CCDC30: variants seen among roughly 807,000 people sequenced by gnomAD.
CCDC30 encodes coiled-coil domain-containing protein 30.
Under a neutral mutation model 100.2 loss-of-function variants are expected in CCDC30, and 70 were observed. That is an observed-to-expected ratio of 0.70 (90% confidence interval 0.58 to 0.85). CCDC30 has a LOEUF of 0.85. Among genes scored for constraint, CCDC30 ranks in the 40% least tolerant of loss-of-function variants. CCDC30 has a pLI of 0.00. For synonymous variants in CCDC30, 233 were observed against 269.5 expected, an observed-to-expected ratio of 0.86 and a Z score of 1.33; for missense variants, 652 against 771.2, an observed-to-expected ratio of 0.85 and a Z score of 1.83.
rs1644307554 is a variant in CCDC30, at chr1:42,501,254, T to C, written c.456+2338T>C. On this transcript the variant is annotated intron_variant, in intron 6 of 16. Coordinates refer to ENST00000668663, the Ensembl canonical transcript of CCDC30. ...TCATTCATTTTTAGTGTATATCCAG[T>C]TATTCCAGAAAGATTTGGTAAAAAG... 1.3e-5 allele frequency among the ~76,000 whole-genome samples: 2 copies of C among 152,218 alleles called. 1 individual carries two copies. Among genetic ancestry groups the C allele is most frequent in the South Asian group, 4.1e-4 (2 of 4,838 alleles).
At chr1:42,481,699 C>T (rs1180081085) in intron 2 of CCDC30, among the ~76,000 whole-genome samples, 1 of 150,996 alleles carries the variant, frequency 6.6e-6, no homozygotes, top group African/African-American at 2.4e-5. Context: ...TAAATATATT[C>T]AGTTCTGCTC....
chr1:42,653,211 G>T (rs11210691), intron 15 of CCDC30, among the ~76,000 whole-genome samples, 165 bp from the exon 20 acceptor site: 60,950 of 151,658 alleles, frequency 0.4, 12,559 homozygotes, highest in South Asian at 0.57. Flanking sequence ...TATATATATA[G>T]AGAGAGAGAG....
chr1:42,609,961 G>GAT, intron 10 of CCDC30, among the ~76,000 whole-genome samples: 1 of 152,140 alleles, frequency 6.6e-6, no homozygotes, highest in East Asian at 1.9e-4. Flanking sequence ...TTGGTTTTTG[G>GAT]ATATATCGGT....
At chr1:42,545,427 A>G in intron 6 of CCDC30, 1 of 1,575,098 alleles carries the variant, frequency 6.3e-7, no homozygotes, top group Non-Finnish European at 8.6e-7. Flanking sequence ...AGCTTTCACA[A>G]GAATTTGCAC....
At chr1:42,456,494 C>T in the CCDC30 span, 1 of 1,406,172 alleles carries the variant, frequency 7.1e-7, no homozygotes, top group Non-Finnish European at 9.3e-7. Flanking sequence ...GCGGCGCGTA[C>T]ACCAGGTAGG....
intron 7 of CCDC30, among the ~76,000 whole-genome samples, chr1:42,573,879 T>A (rs961825117): frequency 1.2e-4 from 18 of 152,192 alleles, no homozygotes; most frequent in Admixed American, 4.6e-4. Context: ...GAAGGTTTTT[T>A]AAAAATTTTA....
intron 6 of CCDC30, among the ~76,000 whole-genome samples, chr1:42,545,999 G>T (rs1198179932): frequency 6.6e-6 from 1 of 151,400 alleles, no homozygotes; most frequent in Admixed American, 6.6e-5. Flanking sequence ...TTATGTGAGT[G>T]GAAAAATTAG....
chr1:42,589,524 C>T (rs759030195), intron 10 of CCDC30, 41 bp downstream of exon 14: 3 of 1,535,830 alleles, frequency 2.0e-6, no homozygotes, highest in Non-Finnish European at 2.7e-6. Flanking sequence ...TTTCCTATTC[C>T]CATTAGTAAC....
intron 6 of CCDC30, among the ~76,000 whole-genome samples, chr1:42,540,951 T>A (rs374487459): frequency 2.0e-5 from 3 of 152,312 alleles, no homozygotes; most frequent in Admixed American, 6.5e-5. Flanking sequence ...TTGCATTTAA[T>A]TGTCATGTCT....
intron 7 of CCDC30, among the ~76,000 whole-genome samples, chr1:42,568,714 G>A (rs751871010): frequency 6.6e-6 from 1 of 151,244 alleles, no homozygotes; most frequent in Non-Finnish European, 1.5e-5. Flanking sequence ...ATCACTTAAA[G>A]TGCTCACGAG....
chr1:42,550,384 T>A (rs1645226653), intron 6 of CCDC30, among the ~76,000 whole-genome samples: 1 of 152,184 alleles, frequency 6.6e-6, no homozygotes, highest in Non-Finnish European at 1.5e-5. Flanking sequence ...AATATTGTTC[T>A]CTCTCTTAAA....
intron 6 of CCDC30, among the ~76,000 whole-genome samples, chr1:42,547,554 G>A (rs1645168959): frequency 6.6e-6 from 1 of 152,168 alleles, no homozygotes; most frequent in Admixed American, 6.5e-5. Flanking sequence ...CTAGGGGTGG[G>A]AAACCTTGCC....
intron 11 of CCDC30, among the ~76,000 whole-genome samples, chr1:42,634,069 C>A (rs866601661): frequency 2.0e-5 from 3 of 152,006 alleles, no homozygotes; most frequent in African/African-American, 4.8e-5. Context: ...TACCTCCCAC[C>A]AGGTATCACC....
At chr1:42,534,228 G>C (rs11210662) in intron 6 of CCDC30, among the ~76,000 whole-genome samples, 16 of 151,538 alleles carry the variant, frequency 1.1e-4, no homozygotes, top group South Asian at 4.2e-4. Context: ...ATGAGGGGGG[G>C]GGTTCATATT....
chr1:42,474,222 T>C (rs1263117143), intron 1 of CCDC30, among the ~76,000 whole-genome samples: 1 of 152,178 alleles, frequency 6.6e-6, no homozygotes, highest in African/African-American at 2.4e-5. Flanking sequence ...ACTTTAACAT[T>C]AGGCAGATGG....
At chr1:42,476,693 A>C (rs1488553979) in intron 1 of CCDC30, among the ~76,000 whole-genome samples, 5 of 139,706 alleles carry the variant, frequency 3.6e-5, no homozygotes, top group Non-Finnish European at 6.3e-5. Flanking sequence ...TCCTTCTCAA[A>C]AAAAAAAAAA....
intron 6 of CCDC30, among the ~76,000 whole-genome samples, chr1:42,549,540 G>T (rs959972930): frequency 1.3e-5 from 2 of 152,086 alleles, no homozygotes; most frequent in African/African-American, 4.8e-5. Context: ...GAGCTTTATG[G>T]TGCTGAAAAA....
chr1:42,504,538 G>A (rs902489471), intron 6 of CCDC30, among the ~76,000 whole-genome samples: 3 of 152,200 alleles, frequency 2.0e-5, no homozygotes, highest in African/African-American at 7.2e-5. Flanking sequence ...ATTGCTATCT[G>A]CCATTCCAAT....
intron 3 of CCDC30, among the ~76,000 whole-genome samples, chr1:42,484,816 G>A (rs1335577): frequency 0.39 from 58,510 of 151,740 alleles, 11,723 homozygotes; most frequent in East Asian, 0.59. Context: ...AATTTTTTCA[G>A]TGATAATTTT....
Sources: allele counts gnomAD v4.1 joint callset (sites outside exome capture counted in the v4.1 genomes callset), GRCh38; gene constraint gnomAD v4.1.1; transcripts MANE v1.5; gene names NCBI Gene and HGNC (gene_info 2026-07-23, HGNC 2026-07-21).